Variants in SHANK2 observed in about 807,000 individuals in gnomAD.
SHANK2 encodes the protein SH3 and multiple ankyrin repeat domains 2, also known as SH3 and multiple ankyrin repeat domains protein 2.
In SHANK2, 43 loss-of-function variants were observed where a neutral mutation model predicts 133.7. The observed-to-expected ratio is 0.32, with a 90% CI of 0.25 to 0.41. SHANK2 has a LOEUF of 0.41. Among genes scored for constraint, SHANK2 ranks in the 10% least tolerant of loss-of-function variants. SHANK2 has a pLI of 1.00. For missense variants in SHANK2, 1,994 were observed against 2,235.8 expected (o/e 0.89, Z 2.18); for synonymous variants, 1,017 against 952.8 (o/e 1.07, Z -1.24).
At chr11:70,924,366 T>G (rs1372279084) in intron 10 of SHANK2, among the ~76,000 whole-genome samples, 4 of 152,048 alleles carry the variant, frequency 2.6e-5, no homozygotes, top group African/African-American at 7.2e-5. Flanking sequence ...GGGGCCGGGC[T>G]CAGGTGTGAG....
chr11:70,533,328 G>A (rs372871829), intron 17 of SHANK2, among the ~76,000 whole-genome samples: 25 of 152,256 alleles, frequency 1.6e-4, no homozygotes, highest in African/African-American at 4.8e-4. Flanking sequence ...GGGCTAAACC[G>A]ATCCTCCTGC....
chr11:70,734,092 G>A (rs1264754990), intron 14 of SHANK2, among the ~76,000 whole-genome samples: 3 of 152,126 alleles, frequency 2.0e-5, no homozygotes, highest in Admixed American at 2.0e-4. Context: ...AGCAGGGAGG[G>A]GGCAGGAGGC....
chr11:70,900,547 C>T (rs1328266882), intron 10 of SHANK2, among the ~76,000 whole-genome samples: 3 of 152,168 alleles, frequency 2.0e-5, no homozygotes, highest in Admixed American at 6.5e-5. Flanking sequence ...ATAACACGTA[C>T]GTGGACCATC....
intron 15 of SHANK2, among the ~76,000 whole-genome samples, chr11:70,662,790 G>A (rs1944594068): frequency 1.3e-5 from 2 of 152,164 alleles, no homozygotes; most frequent in East Asian, 1.9e-4. Flanking sequence ...ATGACATCCA[G>A]CCCCCGAGGC....
rs149363493 is a variant in SHANK2 at position 70,713,380 on chromosome 11, C to T, written c.1778-14617G>A. Among the ~76,000 whole-genome samples the T allele has an allele frequency of 2.3e-3, 352 of 152,384 alleles. 3 individuals carry two copies. Among genetic ancestry groups the T allele is most frequent in the African/African-American group, 7.9e-3 (330 of 41,596 alleles). On this transcript the variant is annotated intron_variant, in intron 14 of 25. Coordinates refer to ENST00000601538, the MANE Select transcript of SHANK2 (RefSeq NM_012309.5). The stretch of plus-strand genomic sequence containing the variant: ...CTTAAGAAGAACACGGGTTACAGTA[C>T]TGACTTGCCACTTTACGAAGCAGTC...
intron 1 of SHANK2, among the ~76,000 whole-genome samples, chr11:71,234,135 C>T (rs922275395): frequency 7.9e-6 from 1 of 127,112 alleles, no homozygotes; most frequent in Non-Finnish European, 1.5e-5. Context: ...ATCATGAGGT[C>T]AGGGATTTGA....
intron 11 of SHANK2, among the ~76,000 whole-genome samples, chr11:70,849,003 A>C (rs1223877801): frequency 6.6e-6 from 1 of 152,122 alleles, no homozygotes; most frequent in Non-Finnish European, 1.5e-5. Context: ...TGAGTCAGAG[A>C]AGGATGTGAG....
At chr11:70,821,279 C>A (rs1440617502) in intron 11 of SHANK2, among the ~76,000 whole-genome samples, 1 of 152,156 alleles carries the variant, frequency 6.6e-6, no homozygotes, top group African/African-American at 2.4e-5. Context: ...CAGACACACA[C>A]ACAGGGATGA....
intron 3 of SHANK2, among the ~76,000 whole-genome samples, chr11:71,140,426 C>A (rs1357494628): frequency 1.3e-5 from 2 of 152,206 alleles, no homozygotes; most frequent in East Asian, 3.9e-4. Context: ...CCCTGCCCTG[C>A]AAGGGGAAGA....
chr11:70,658,282 GACACACACAC>G (rs138823201), intron 17 of SHANK2, among the ~76,000 whole-genome samples: 5 of 111,616 alleles, frequency 4.5e-5, no homozygotes, highest in South Asian at 3.0e-4. Context: ...CACACACACA[GACACACACAC>G]ACACACACAC....
chr11:70,710,295 A>G (rs1459469928), intron 14 of SHANK2, among the ~76,000 whole-genome samples: 1 of 152,214 alleles, frequency 6.6e-6, no homozygotes, highest in African/African-American at 2.4e-5. Flanking sequence ...CCAGGCTCTG[A>G]AGTCAAGGGT....
intron 11 of SHANK2, among the ~76,000 whole-genome samples, chr11:70,831,302 T>G (rs116152533): frequency 6.6e-6 from 1 of 152,078 alleles, no homozygotes; most frequent in African/African-American, 2.4e-5. Context: ...CATGGACAGA[T>G]GAAAAACCAG....
rs368800542 is a variant in SHANK2 at position 70,531,764 on chromosome 11, G to A, written c.2062-28833C>T. On this transcript the variant is annotated intron_variant, in intron 17 of 25. Transcript: ENST00000601538. ...AGTCCTGGGCCTGCATGTCACTCGG[G>A]GCTGGAAGTGGCTTCTCCACACCTG... Among the ~76,000 whole-genome samples the A allele has an allele frequency of 1.4e-3, 207 of 152,314 alleles. 2 individuals carry two copies. The highest frequency in any genetic ancestry group is 4.8e-3 in the African/African-American group (199 of 41,564).
intron 3 of SHANK2, among the ~76,000 whole-genome samples, chr11:71,137,592 TGCTGGCTGCAGGGA>T (rs1374292164): frequency 1.3e-5 from 2 of 152,062 alleles, no homozygotes; most frequent in African/African-American, 4.8e-5. Flanking sequence ...GGTGCCAGGG[TGCTGGCTGCAGGGA>T]GCTGGGCCTG....
chr11:71,087,684 A>G (rs1455358596), intron 8 of SHANK2, among the ~76,000 whole-genome samples: 1 of 152,180 alleles, frequency 6.6e-6, no homozygotes, highest in East Asian at 1.9e-4. Flanking sequence ...GCTGAAGTGC[A>G]GTGGCGCAAT....
intron 17 of SHANK2, among the ~76,000 whole-genome samples, chr11:70,507,975 A>G (rs2059156130): frequency 6.6e-6 from 1 of 152,228 alleles, no homozygotes; most frequent in South Asian, 2.1e-4. Context: ...GACCGGTAGT[A>G]ACTCCTGCAA....
intron 14 of SHANK2, among the ~76,000 whole-genome samples, chr11:70,789,784 C>T (rs1947749667): frequency 6.6e-6 from 1 of 152,184 alleles, no homozygotes; most frequent in African/African-American, 2.4e-5. Context: ...TTTCAGGTGA[C>T]CAGATCCTAC....
rs1021541012 is a variant in SHANK2, at chr11:71,081,294, A to G, written c.913-6019T>C. 7.1e-3 allele frequency among the ~76,000 whole-genome samples: 1,084 copies of G among 152,322 alleles called. 3 individuals are homozygous for G. Among genetic ancestry groups the G allele is most frequent in the Middle Eastern group, 0.02 (6 of 294 alleles). On this transcript the variant is annotated intron_variant, in intron 8 of 25. Coordinates refer to ENST00000601538, the MANE Select transcript of SHANK2 (RefSeq NM_012309.5). ...ATAATGAATGTCTATTGTTTGAGGA[A>G]CTTTGCAGTGGCAGCCCTATGCAGC...
At chr11:70,933,636 C>T (rs1950530548) in intron 10 of SHANK2, among the ~76,000 whole-genome samples, 1 of 152,170 alleles carries the variant, frequency 6.6e-6, no homozygotes, top group South Asian at 2.1e-4. Flanking sequence ...AAAGCAACAA[C>T]AGGCTGGGTG....
Sources: allele counts gnomAD v4.1 joint callset (sites outside exome capture counted in the v4.1 genomes callset), GRCh38; gene constraint gnomAD v4.1.1; transcripts MANE v1.5; gene names NCBI Gene and HGNC (gene_info 2026-07-23, HGNC 2026-07-21).